The following ZNF425 variants were observed in gnomAD, a reference collection of about 807,000 sequenced individuals.
ZNF425 encodes zinc finger protein 425.
A neutral mutation model predicts 17.0 loss-of-function variants in ZNF425; 21 were observed. That is an observed-to-expected ratio of 1.23 (90% CI 0.88 to 1.78). ZNF425 has a LOEUF of 1.78. ZNF425 is among the 40% of genes most tolerant of loss of function. The pLI is 0.00. For missense variants in ZNF425, 868 were observed against 967.3 expected (o/e 0.90, Z 1.36); for synonymous variants, 433 against 384.1 (o/e 1.13, Z -1.49).
chr7:149,116,989 G>A (rs562787199), intron 2 of ZNF425, among the ~76,000 whole-genome samples: 7 of 152,234 alleles, frequency 4.6e-5, no homozygotes, highest in South Asian at 4.1e-4. Context: ...GAGGCCAGGC[G>A]TGGTGGCTCA....
intron 1 of ZNF425, among the ~76,000 whole-genome samples, chr7:149,124,182 A>T (rs1167025820): frequency 1.4e-5 from 2 of 143,386 alleles, no homozygotes; most frequent in Non-Finnish European, 3.0e-5. Context: ...TTTGAGATGG[A>T]GTCCCCTCTG....
At chr7:149,111,407 T>C (rs1433519440) in intron 3 of ZNF425, among the ~76,000 whole-genome samples, 5 of 151,056 alleles carry the variant, frequency 3.3e-5, no homozygotes, top group African/African-American at 1.2e-4. Context: ...CTGGCCAATA[T>C]GGTGAAACCC....
intron 1 of ZNF425, chr7:149,125,939 C>CA (rs1197237242): frequency 3.9e-5 from 26 of 675,154 alleles, no homozygotes; most frequent in Non-Finnish European, 6.0e-5. Flanking sequence ...GCTCCCGCCT[C>CA]AGCCTTCCGA....
rs1404310849 is a variant in ZNF425, at chr7:149,104,244, C to T, written c.1627G>A (p.Glu543Lys). The T allele has an allele frequency of 1.2e-6, 2 of 1,613,596 alleles. No homozygotes were observed. Among genetic ancestry groups the T allele is most frequent in the East Asian group, 4.5e-5 (2 of 44,900 alleles). The change falls in exon 4 of 4, where the codon GAG (glutamate) becomes AAG (lysine). Residue 543 changes from glutamate (E) to lysine (K), a missense_variant. Transcript: ENST00000378061. This position sits in a 1 kb window ranked among gnomAD's most constrained non-coding sequence, Gnocchi z 4.3. ...RSFRRRAHLT[E>K]HTRLHSGEEP... is the part of the protein sequence containing the mutation. Reference sequence around the variant, plus strand: ...TCGCCACTGTGAAGCCTCGTGTGCTCTGTGAGATGCGCGCGTCGGCGGAAA... The same window carrying T: ...TCGCCACTGTGAAGCCTCGTGTGCTTTGTGAGATGCGCGCGTCGGCGGAAA...
intron 3 of ZNF425, among the ~76,000 whole-genome samples, chr7:149,110,026 G>T (rs988806569): frequency 1.5e-4 from 22 of 151,574 alleles, no homozygotes; most frequent in African/African-American, 5.3e-4. Context: ...ACAGGAGCCT[G>T]CCACCACACC....
chr7:149,105,671 G>A (rs978146971), intron 3 of ZNF425, 105 bp from the exon 4 acceptor site: 5 of 767,804 alleles, frequency 6.5e-6, no homozygotes, highest in East Asian at 7.5e-5. Context: ...TATTTTTTGC[G>A]ATAGAGTCTC....
intron 1 of ZNF425, among the ~76,000 whole-genome samples, chr7:149,122,152 C>T (rs1252369646): frequency 4.0e-5 from 6 of 148,498 alleles, no homozygotes; most frequent in Middle Eastern, 3.5e-3. Context: ...AGGATGGTCT[C>T]GATCTCCTGA....
In ZNF425 at chr7:149,104,039, T is replaced by C; in HGVS notation, c.1832A>G (p.Gln611Arg). 5 of 1,613,826 alleles carry C rather than the reference T, an allele frequency of 3.1e-6. No individual in the cohort carries two copies. Among genetic ancestry groups the C allele is most frequent in the Non-Finnish European group, 3.4e-6 (4 of 1,179,954 alleles). The change falls in exon 4 of 4, where the codon CAG becomes CGG. Residue 611 changes from glutamine to arginine, a missense_variant. This residue lies in a region of ZNF425 where 437 missense variants were observed against 444.2 expected (regional missense o/e 0.98). Coordinates refer to ENST00000378061, the MANE Select transcript of ZNF425 (RefSeq NM_001001661.3). This position sits in a 1 kb window ranked among gnomAD's most constrained non-coding sequence, Gnocchi z 4.3. ...LRLHSGEKPY[Q>R]CPECEKTFRL... ...GAAAGTCTTCTCGCATTCAGGACAC[T>C]GGTAGGGCTTCTCTCCACTGTGCAG...
intron 2 of ZNF425, among the ~76,000 whole-genome samples, chr7:149,117,639 A>ATTT (rs1452531025): frequency 9.5e-4 from 111 of 117,156 alleles, no homozygotes; most frequent in African/African-American, 1.7e-3. Context: ...TTACTTAGTA[A>ATTT]TTCTTTTTTT....
rs992836976 is a variant in ZNF425, at chr7:149,104,457, A to G, written c.1414T>C (p.Cys472Arg). Residue 472 changes from cysteine to arginine, a missense_variant, in exon 4 of 4, where the codon TGC becomes CGC. Cys to Arg is a radical substitution (Grantham distance 180). Coordinates refer to ENST00000378061, the MANE Select transcript of ZNF425 (RefSeq NM_001001661.3). The surrounding 1 kb of genome is among the most constrained non-coding windows in gnomAD (Gnocchi z 4.3). ...GTGAAGCGCTTGCCGCACTCGGCGC[A>G]GGGGAAGGGCTTTTGCTCGCTGTGC... ...RLHSEQKPFP[C>R]AECGKRFTRP... The G allele has an allele frequency of 1.2e-6, 2 of 1,600,588 alleles. No homozygotes were observed. Among genetic ancestry groups the G allele is most frequent in the South Asian group, 1.1e-5 (1 of 88,876 alleles).
In ZNF425 at chr7:149,112,246, T is replaced by C; in HGVS notation, c.195A>G (p.Arg65=). The C allele has an allele frequency of 6.2e-7, 1 of 1,614,118 alleles. No individual in the cohort carries two copies. The highest frequency in any genetic ancestry group is 8.5e-7 in the Non-Finnish European group (1 of 1,179,958). ...PDLITWMEQG[R]MLLISEQGCL... ...ATCCCTGTTCGCTGATTAATAGCATTCTCCCTTGTTCCATCCATGTGATCA... is the reference window on the plus strand; with the variant it reads ...ATCCCTGTTCGCTGATTAATAGCATCCTCCCTTGTTCCATCCATGTGATCA... Residue 65 remains arginine, a synonymous_variant, in exon 3 of 4, where the codon AGA becomes AGG. Transcript: ENST00000378061.
At chr7:149,119,023 C>G (rs900484826) in intron 1 of ZNF425, among the ~76,000 whole-genome samples, 1 of 151,838 alleles carries the variant, frequency 6.6e-6, no homozygotes, top group Non-Finnish European at 1.5e-5. Context: ...GCACAGAAGG[C>G]TTCCATGTAA....
chr7:149,105,418 T>C lies in ZNF425; in HGVS notation c.453A>G (p.Thr151=). ...TGCTGACTTTTTTATTTAGAATCTC[T>C]GTTTCTCGGAGACTTGGAGACTGGA... The part of the protein sequence containing the change: ...ATFQSPSLRE[T]EILNKKVSIT... The change falls in exon 4 of 4, where the codon ACA becomes ACG. Residue 151 remains threonine, a synonymous_variant. Transcript: ENST00000378061. 1 of 1,571,414 alleles carries C rather than the reference T, an allele frequency of 6.4e-7. No homozygotes were observed. Among genetic ancestry groups the C allele is most frequent in the Non-Finnish European group, 8.6e-7 (1 of 1,162,944 alleles).
At chr7:149,114,633 A>G (rs11760293) in intron 2 of ZNF425, among the ~76,000 whole-genome samples, 81,527 of 151,500 alleles carry the variant, frequency 0.54, 25,495 homozygotes, top group East Asian at 0.9. Flanking sequence ...GCCTAACCTC[A>G]TGATCCACTC....
At chr7:149,122,228 G>C (rs186283547) in intron 1 of ZNF425, among the ~76,000 whole-genome samples, 2 of 151,746 alleles carry the variant, frequency 1.3e-5, no homozygotes, top group Admixed American at 6.6e-5. Context: ...CACCACTCCC[G>C]GCCATCTTTT....
At position 149,105,572 on chromosome 7, in the gene ZNF425, G is replaced by A; in HGVS notation, c.305-6C>T. 1 of 1,503,880 alleles carries A rather than the reference G, an allele frequency of 6.6e-7. No homozygotes were observed. Among genetic ancestry groups the A allele is most frequent in the South Asian group, 1.4e-5 (1 of 70,844 alleles). 93.2% of individuals were successfully genotyped at this position (1,503,880 alleles called of 1,614,324 possible). ...CCTGGGAGTTCCTTCGTCATCTGGA[G>A]CAGAAAGAAGTATCACTCTCATCAG... On this transcript the variant is annotated splice_region_variant and splice_polypyrimidine_tract_variant and intron_variant, in intron 3 of 3. Transcript: ENST00000378061.
intron 1 of ZNF425, among the ~76,000 whole-genome samples, chr7:149,123,070 T>C (rs555119811): frequency 6.6e-6 from 1 of 152,116 alleles, no homozygotes; most frequent in Non-Finnish European, 1.5e-5. Flanking sequence ...GCAACTAAAA[T>C]TCCCAATTTT....
chr7:149,104,271 T>A lies in ZNF425; in HGVS notation c.1600A>T (p.Ser534Cys). The A allele has an allele frequency of 6.2e-7, 1 of 1,613,600 alleles. No individual in the cohort carries two copies. Among genetic ancestry groups the A allele is most frequent in the Non-Finnish European group, 8.5e-7 (1 of 1,179,856 alleles). Residue 534 changes from serine to cysteine, a missense_variant, in exon 4 of 4, where the codon AGT becomes TGT. Physicochemically the swap from Ser to Cys is moderately radical, Grantham distance 112 (BLOSUM62 -1). Transcript: ENST00000378061. This position sits in a 1 kb window ranked among gnomAD's most constrained non-coding sequence, Gnocchi z 4.3. ...KPFSCAECGR[S>C]FRRRAHLTEH... ...GTGAGATGCGCGCGTCGGCGGAAAC[T>A]GCGGCCGCACTCGGCGCAGGAGAAC...
At chr7:149,113,847 G>C (rs1325529056) in intron 2 of ZNF425, among the ~76,000 whole-genome samples, 1 of 151,078 alleles carries the variant, frequency 6.6e-6, no homozygotes, top group Non-Finnish European at 1.5e-5. Flanking sequence ...CACCGCACCT[G>C]GCCCAAAAAT....
Sources: allele counts gnomAD v4.1 joint callset (sites outside exome capture counted in the v4.1 genomes callset), GRCh38; gene constraint gnomAD v4.1.1; regional missense constraint gnomAD v4.1.1; non-coding constraint Gnocchi (gnomAD v3.1); transcripts MANE v1.5; gene names NCBI Gene and HGNC (gene_info 2026-07-23, HGNC 2026-07-21).